The following CTNND2 variants were observed in gnomAD, a reference collection of about 807,000 sequenced individuals.
CTNND2 encodes catenin delta-2.
In CTNND2, 22 loss-of-function variants were observed where a neutral mutation model predicts 144.4. That is an observed-to-expected ratio of 0.15 (90% CI 0.11 to 0.22). The LOEUF (loss-of-function observed/expected upper bound fraction) is 0.22. Ranked by LOEUF, CTNND2 falls within the 10% of genes least tolerant of loss-of-function variation. The pLI, the probability that CTNND2 is intolerant of heterozygous loss-of-function variation, is 1.00. For synonymous variants in CTNND2, 751 were observed against 695.6 expected (o/e 1.08, Z -1.25); for missense variants, 1,353 against 1,618.8 (o/e 0.84, Z 2.82).
chr5:10,977,941 C>G (rs529679363), intron 21 of CTNND2, among the ~76,000 whole-genome samples: 1 of 152,324 alleles, frequency 6.6e-6, no homozygotes, highest in South Asian at 2.1e-4. Context: ...GTGCAGGCGT[C>G]TCTTTCTCAG....
chr5:11,827,934 C>G (rs1425583894), intron 1 of CTNND2, among the ~76,000 whole-genome samples: 1 of 152,160 alleles, frequency 6.6e-6, no homozygotes, highest in African/African-American at 2.4e-5. Flanking sequence ...GCTCTTTACT[C>G]ATACCAAAAT....
At chr5:11,383,413 C>T (rs1245588641) in intron 7 of CTNND2, among the ~76,000 whole-genome samples, 1 of 152,130 alleles carries the variant, frequency 6.6e-6, no homozygotes, top group African/African-American at 2.4e-5. Context: ...CTCCTGAGTC[C>T]CTACAGCATG....
intron 8 of CTNND2, among the ~76,000 whole-genome samples, chr5:11,354,496 C>T (rs1755657060): frequency 6.6e-6 from 1 of 152,138 alleles, no homozygotes; most frequent in Admixed American, 6.5e-5. Flanking sequence ...TAAAAATAAG[C>T]ATTTCCATGT....
intron 11 of CTNND2, among the ~76,000 whole-genome samples, chr5:11,182,194 ATGTGTG>A (rs371177582): frequency 3.0e-5 from 3 of 99,022 alleles, no homozygotes; most frequent in African/African-American, 1.2e-4. Context: ...TGTGTGGGGT[ATGTGTG>A]TGTGGGTGTG....
intron 3 of CTNND2, among the ~76,000 whole-genome samples, chr5:11,445,291 T>C (rs1431057385): frequency 6.6e-6 from 1 of 152,162 alleles, no homozygotes; most frequent in East Asian, 1.9e-4. Context: ...TCCATCTTCT[T>C]ATAAGGATAT....
At chr5:11,743,895 A>C (rs528209047) in intron 1 of CTNND2, among the ~76,000 whole-genome samples, 2 of 152,294 alleles carry the variant, frequency 1.3e-5, no homozygotes, top group South Asian at 2.1e-4. Context: ...TGAGCTATTC[A>C]TCATTGAGAA....
rs558926158 is a variant in CTNND2 at position 11,252,290 on chromosome 5, T to C, written c.1629-15467A>G. 3.9e-5 allele frequency among the ~76,000 whole-genome samples: 6 copies of C among 152,158 alleles called. No individual in the cohort carries two copies. In the South Asian group the frequency reaches 1.2e-3, roughly 32 times the overall value. ...AGCCAGAGAAAGCAAACAAACTCAG[T>C]GATGTGAAAACTGCTGTCAGGTCAG... On this transcript the variant is annotated intron_variant, in intron 9 of 21. Coordinates refer to ENST00000304623, the MANE Select transcript of CTNND2 (RefSeq NM_001332.4).
At chr5:11,662,162 T>TATATATAA (rs1561668848) in intron 2 of CTNND2, among the ~76,000 whole-genome samples, 1 of 145,948 alleles carries the variant, frequency 6.9e-6, no homozygotes, top group African/African-American at 2.5e-5. Flanking sequence ...TATATGTGTA[T>TATATATAA]ATATGTGTAT....
chr5:11,096,058 T>C (rs1367389810), intron 15 of CTNND2, among the ~76,000 whole-genome samples: 18 of 152,154 alleles, frequency 1.2e-4, no homozygotes, highest in Non-Finnish European at 2.9e-5. Flanking sequence ...TCTTTGTGTT[T>C]CATTTTGGAT....
At chr5:11,660,289 A>G in intron 2 of CTNND2, among the ~76,000 whole-genome samples, 1 of 152,156 alleles carries the variant, frequency 6.6e-6, no homozygotes, top group East Asian at 1.9e-4. Context: ...AAGGTCTGCT[A>G]TTTGATGAGT....
At chr5:11,754,538 A>G (rs899938334) in intron 1 of CTNND2, among the ~76,000 whole-genome samples, 2 of 151,638 alleles carry the variant, frequency 1.3e-5, no homozygotes, top group African/African-American at 4.8e-5. Context: ...CTGATGATCT[A>G]ATATTGTCAG....
intron 3 of CTNND2, among the ~76,000 whole-genome samples, chr5:11,422,270 A>C (rs1762433605): frequency 6.6e-6 from 1 of 152,214 alleles, no homozygotes; most frequent in Non-Finnish European, 1.5e-5. Flanking sequence ...TGATTTATAA[A>C]AAAAGATGAT....
At chr5:11,889,662 T>C (rs1411610689) in intron 1 of CTNND2, among the ~76,000 whole-genome samples, 1 of 152,250 alleles carries the variant, frequency 6.6e-6, no homozygotes, top group Non-Finnish European at 1.5e-5. Context: ...AAAGCAATAC[T>C]TCATTTTATA....
chr5:11,855,573 T>C (rs1387522402), intron 1 of CTNND2, among the ~76,000 whole-genome samples: 1 of 152,054 alleles, frequency 6.6e-6, no homozygotes, highest in East Asian at 1.9e-4. Flanking sequence ...AATCTAAAGA[T>C]AAAAAGGTAT....
chr5:11,510,040 A>G (rs907881162), intron 3 of CTNND2, among the ~76,000 whole-genome samples: 12 of 152,076 alleles, frequency 7.9e-5, no homozygotes, highest in African/African-American at 2.4e-4. Context: ...CAAGCGATCC[A>G]CCCTCCTCAG....
chr5:11,320,438 A>G (rs1157163281), intron 9 of CTNND2, among the ~76,000 whole-genome samples: 3 of 152,222 alleles, frequency 2.0e-5, no homozygotes, highest in Non-Finnish European at 4.4e-5. Context: ...ACAGCATACC[A>G]AACACCCAAT....
chr5:11,273,601 C>G (rs533876149), intron 9 of CTNND2, among the ~76,000 whole-genome samples: 1 of 152,134 alleles, frequency 6.6e-6, no homozygotes, highest in Non-Finnish European at 1.5e-5. Context: ...ATCATGGGAC[C>G]GTGTGCAGCT....
intron 1 of CTNND2, among the ~76,000 whole-genome samples, chr5:11,761,362 GAA>G (rs1488130263): frequency 6.6e-6 from 1 of 151,980 alleles, no homozygotes; most frequent in Admixed American, 6.6e-5. Context: ...GCACAATTGA[GAA>G]AAAAAGTCTC....
chr5:11,010,447 G>C (rs1336076676), intron 18 of CTNND2, among the ~76,000 whole-genome samples: 4 of 152,144 alleles, frequency 2.6e-5, no homozygotes, highest in Admixed American at 6.5e-5. Flanking sequence ...ATATTTCAAA[G>C]TATCTTTCTA....
Sources: allele counts gnomAD v4.1 joint callset (sites outside exome capture counted in the v4.1 genomes callset), GRCh38; gene constraint gnomAD v4.1.1; transcripts MANE v1.5; gene names NCBI Gene and HGNC (gene_info 2026-07-23, HGNC 2026-07-21).